TMCC2: variants seen among roughly 807,000 people sequenced by gnomAD.
The protein encoded by TMCC2 is transmembrane and coiled-coil domain family 2.
Under a neutral mutation model 49.4 loss-of-function variants are expected in TMCC2, and 16 were observed. The observed-to-expected ratio is 0.32, with a 90% CI of 0.22 to 0.49. TMCC2 has a LOEUF of 0.49. Ranked by LOEUF, TMCC2 falls within the 20% of genes least tolerant of loss-of-function variation. The probability of loss-of-function intolerance (pLI) is 0.99; values close to 1 mark genes in which losing one functional copy is unlikely to be tolerated. For synonymous variants in TMCC2, 397 were observed against 434.1 expected, an observed-to-expected ratio of 0.91 and a Z score of 1.06; for missense variants, 762 against 989.8, an observed-to-expected ratio of 0.77 and a Z score of 3.09.
intron 1 of TMCC2, chr1:205,228,972 GTGTT>G: frequency 4.3e-6 from 6 of 1,395,620 alleles, no homozygotes; most frequent in Non-Finnish European, 5.6e-6. Context: ...TCAGGTCTCT[GTGTT>G]TGTTCCCCAT....
At chr1:205,234,819 C>T (rs755188975) in intron 1 of TMCC2, among the ~76,000 whole-genome samples, 3 of 151,964 alleles carry the variant, frequency 2.0e-5, no homozygotes, top group Non-Finnish European at 4.4e-5. Flanking sequence ...ACCACCAGAC[C>T]GGGCTAATTT....
chr1:205,272,047 G>T lies in TMCC2; in HGVS notation c.2053G>T (p.Val685Phe), dbSNP rs746209089. The change falls in exon 5 of 5, where the codon GTC (valine) becomes TTC (phenylalanine). Residue 685 changes from valine to phenylalanine, a missense_variant. Val to Phe is a conservative substitution (Grantham distance 50, BLOSUM62 -1). This residue lies in a region of TMCC2 where 440 missense variants were observed against 636.7 expected (regional missense o/e 0.69). Coordinates refer to ENST00000358024, the MANE Select transcript of TMCC2 (RefSeq NM_014858.4). ...GCGCATCACCAGCACCACCCTCCTG[G>T]TCCTCGTCCTGTTCCTCCTCTGGAA... is the stretch of plus-strand genomic sequence containing the variant. ...RLRITSTTLL[V>F]LVLFLLWKHW... is the part of the protein sequence containing the mutation. The T allele has an allele frequency of 2.5e-6, 4 of 1,614,136 alleles. No individual in the cohort carries two copies. Among genetic ancestry groups the T allele is most frequent in the Non-Finnish European group, 3.4e-6 (4 of 1,180,012 alleles).
chr1:205,260,768 G>C (rs540052099), intron 2 of TMCC2, among the ~76,000 whole-genome samples: 1 of 145,780 alleles, frequency 6.9e-6, no homozygotes, highest in East Asian at 2.0e-4. Flanking sequence ...TCATATAATG[G>C]AATCATTCAT....
At chr1:205,231,157 C>T (rs993188998) in intron 1 of TMCC2, among the ~76,000 whole-genome samples, 2 of 151,960 alleles carry the variant, frequency 1.3e-5, no homozygotes, top group Non-Finnish European at 2.9e-5. Context: ...TGTTTACTAC[C>T]GGGTGCAAGG....
intron 2 of TMCC2, among the ~76,000 whole-genome samples, chr1:205,249,862 G>A (rs1045448135): frequency 1.3e-5 from 2 of 152,182 alleles, no homozygotes; most frequent in African/African-American, 4.8e-5. Context: ...CCAGTGGCTC[G>A]CCAGGCCAGG....
chr1:205,244,360 C>T (rs150011949), intron 2 of TMCC2, among the ~76,000 whole-genome samples: 67 of 152,308 alleles, frequency 4.4e-4, no homozygotes, highest in African/African-American at 1.5e-3. Context: ...CAGAAGTCAG[C>T]ATCGTCCTTG....
At position 205,271,937 on chromosome 1, in the gene TMCC2, A is replaced by G. The variant is rs772091134; in HGVS notation, c.1943A>G (p.Asn648Ser). The stretch of plus-strand genomic sequence containing the variant: ...CGGGCGCTGCTGGGCAAGTTCATCA[A>G]CGTGATCCTGGCGCTCATGGCCGTG... ...NARALLGKFI[N>S]VILALMAVLL... Residue 648 changes from asparagine to serine, a missense_variant, in exon 5 of 5, where the codon AAC becomes AGC. Physicochemically the swap from Asn to Ser is conservative, Grantham distance 46. Around this residue, in one of 2 missense-constraint regions of TMCC2, gnomAD observed 440 missense variants for 636.7 expected, o/e 0.69. Transcript: ENST00000358024. 14 of 1,614,046 alleles carry G rather than the reference A, an allele frequency of 8.7e-6. No individual in the cohort carries two copies. The highest frequency in any genetic ancestry group is 1.6e-4 in the Middle Eastern group (1 of 6,084).
chr1:205,258,515 C>G (rs1234440271), intron 2 of TMCC2, among the ~76,000 whole-genome samples: 1 of 152,140 alleles, frequency 6.6e-6, no homozygotes, highest in Non-Finnish European at 1.5e-5. Context: ...CACCCCCACC[C>G]CTTTGCCCAC....
At chr1:205,267,331 T>C (rs1177286762) in intron 2 of TMCC2, among the ~76,000 whole-genome samples, 1 of 152,196 alleles carries the variant, frequency 6.6e-6, no homozygotes, top group Non-Finnish European at 1.5e-5. Flanking sequence ...GCCAAGTGAC[T>C]TATGCCTGTA....
At chr1:205,246,284 C>A (rs59227311) in intron 2 of TMCC2, among the ~76,000 whole-genome samples, 1 of 91,090 alleles carries the variant, frequency 1.1e-5, no homozygotes, top group Non-Finnish European at 2.1e-5. Context: ...GAATGAGTAC[C>A]TGGCAAGGGG....
rs767175035 is a variant in TMCC2 at position 205,228,628 on chromosome 1, G to A, written c.64G>A (p.Glu22Lys). ...GGGCGAGGAGGATGGAGCTGGGCTGGAAGATGCCGCTTCCCACCTGCCGGG... is the reference window on the plus strand; with the variant it reads ...GGGCGAGGAGGATGGAGCTGGGCTGAAAGATGCCGCTTCCCACCTGCCGGG... ...QQGEEDGAGL[E>K]DAASHLPGAD... The change falls in exon 1 of 5, where the codon GAA (glutamate) becomes AAA (lysine). Residue 22 changes from glutamate to lysine, a missense_variant. By Grantham distance (56) the Glu-to-Lys change is moderately conservative. Around this residue, in one of 2 missense-constraint regions of TMCC2, gnomAD observed 322 missense variants for 353.1 expected, o/e 0.91. Transcript: ENST00000358024. 1 of 1,613,232 alleles carries A rather than the reference G, an allele frequency of 6.2e-7. No individual in the cohort carries two copies. Among genetic ancestry groups the A allele is most frequent in the Non-Finnish European group, 8.5e-7 (1 of 1,179,820 alleles).
At chr1:205,256,151 T>G in intron 2 of TMCC2, 1 of 1,352,626 alleles carries the variant, frequency 7.4e-7, no homozygotes, top group South Asian at 1.5e-5. Context: ...CCAATCAACG[T>G]GACGCGTGTC....
chr1:205,258,896 C>T (rs769794547), intron 2 of TMCC2, among the ~76,000 whole-genome samples: 12 of 152,172 alleles, frequency 7.9e-5, no homozygotes, highest in South Asian at 4.1e-4. Flanking sequence ...GGAATCTGAG[C>T]GTTCTTTATC....
chr1:205,238,472 C>T (rs538404739), intron 1 of TMCC2, among the ~76,000 whole-genome samples: 3 of 152,254 alleles, frequency 2.0e-5, no homozygotes, highest in East Asian at 3.9e-4. Context: ...ATAGATTCCT[C>T]GGTCTGCTGG....
intron 2 of TMCC2, among the ~76,000 whole-genome samples, chr1:205,267,536 CGTT>C (rs1661391968): frequency 6.6e-6 from 1 of 152,080 alleles, no homozygotes; most frequent in Non-Finnish European, 1.5e-5. Flanking sequence ...CTGCTGCTTC[CGTT>C]GTTGTATGGC....
At position 205,253,670 on chromosome 1, in the gene TMCC2, T is replaced by A. The variant is rs1660755492; in HGVS notation, c.747+11626T>A. ...TTTCTTTGCAAAAGAAGAGCTGCTT[T>A]GCAAGTGGTGTCCTTTCAGAGCCCA... is the stretch of plus-strand genomic sequence containing the variant. On this transcript the variant is annotated intron_variant, in intron 2 of 4. Coordinates refer to ENST00000358024, the MANE Select transcript of TMCC2 (RefSeq NM_014858.4). Among the ~76,000 whole-genome samples the A allele has an allele frequency of 1.3e-5, 2 of 152,270 alleles. 1 individual carries two copies. Among genetic ancestry groups the A allele is most frequent in the South Asian group, 4.1e-4 (2 of 4,838 alleles).
At chr1:205,250,666 AG>A (rs754305468) in intron 2 of TMCC2, among the ~76,000 whole-genome samples, 4 of 152,182 alleles carry the variant, frequency 2.6e-5, no homozygotes, top group Non-Finnish European at 5.9e-5. Flanking sequence ...CCAAGATGTA[AG>A]GTCATGCCTT....
chr1:205,245,799 A>ATT (rs1230935167), intron 2 of TMCC2, among the ~76,000 whole-genome samples: 19 of 139,636 alleles, frequency 1.4e-4, no homozygotes, highest in Admixed American at 1.4e-4. Flanking sequence ...AGATATCCCA[A>ATT]TTTTTTTTTT....
chr1:205,244,926 G>A (rs886197790), intron 2 of TMCC2, among the ~76,000 whole-genome samples: 1 of 152,148 alleles, frequency 6.6e-6, no homozygotes, highest in Non-Finnish European at 1.5e-5. Context: ...TTACAATTTG[G>A]GGGGTGGGAT....
Sources: gnomAD v4.1 joint callset for allele counts (sites outside exome capture counted in the v4.1 genomes callset) on GRCh38, gnomAD v4.1.1 for gene constraint, gnomAD v4.1.1 regional missense constraint, MANE v1.5 for transcripts, NCBI Gene and HGNC (gene_info 2026-07-23, HGNC 2026-07-21) for gene names.